The following CAMK2D variants were observed in gnomAD, a reference collection of about 807,000 sequenced individuals.
The protein encoded by CAMK2D is calcium/calmodulin-dependent protein kinase type II subunit delta.
CAMK2D carries 37 observed loss-of-function variants against 84.0 expected under a neutral mutation model. The ratio of observed to expected loss-of-function variants is 0.44; its 90% CI spans 0.34 to 0.58. The LOEUF (loss-of-function observed/expected upper bound fraction) is 0.58. CAMK2D is among the 20% of genes least tolerant of loss of function. The pLI is 0.02. For synonymous variants in CAMK2D, 202 were observed against 212.5 expected (o/e 0.95, Z 0.43); for missense variants, 448 against 652.5 (o/e 0.69, Z 3.41).
chr4:113,634,018 A>G (rs2099100730), intron 3 of CAMK2D, among the ~76,000 whole-genome samples: 1 of 152,226 alleles, frequency 6.6e-6, no homozygotes, highest in Non-Finnish European at 1.5e-5. Context: ...CTTGCTTTTA[A>G]AAGACTTTTG....
chr4:113,734,172 T>A (rs2148823316), intron 2 of CAMK2D, among the ~76,000 whole-genome samples: 1 of 152,276 alleles, frequency 6.6e-6, no homozygotes, highest in Middle Eastern at 3.4e-3. Flanking sequence ...TCTGTGCACA[T>A]GGAATCCTAA....
intron 4 of CAMK2D, among the ~76,000 whole-genome samples, chr4:113,580,616 A>G (rs1400440238): frequency 6.6e-6 from 1 of 152,160 alleles, no homozygotes. Flanking sequence ...CAGACTCAGA[A>G]GTAGGTCTGT....
chr4:113,530,520 C>T (rs1293967397), intron 8 of CAMK2D, among the ~76,000 whole-genome samples: 1 of 152,036 alleles, frequency 6.6e-6, no homozygotes, highest in African/African-American at 2.4e-5. Flanking sequence ...TTGTTATAGA[C>T]AATATTTGTG....
chr4:113,649,818 A>AT (rs1297807670), intron 3 of CAMK2D, among the ~76,000 whole-genome samples: 1 of 152,216 alleles, frequency 6.6e-6, no homozygotes, highest in Non-Finnish European at 1.5e-5. Flanking sequence ...GTGGTGGCTC[A>AT]TGCCTGTAAT....
intron 6 of CAMK2D, among the ~76,000 whole-genome samples, chr4:113,545,094 TA>T (rs1355164249): frequency 6.6e-6 from 1 of 152,236 alleles, no homozygotes; most frequent in Non-Finnish European, 1.5e-5. Context: ...CTTAATAAGC[TA>T]TTTTACTGAA....
chr4:113,528,517 G>GT lies in CAMK2D; in HGVS notation c.601+2698_601+2699insA, dbSNP rs1203261956. Among the ~76,000 whole-genome samples the GT allele has an allele frequency of 2.0e-5, 3 of 152,062 alleles. No individual in the cohort carries two copies. In the East Asian group the frequency reaches 5.8e-4, roughly 29 times the overall value. On this transcript the variant is annotated intron_variant, in intron 8 of 20. Coordinates refer to ENST00000511664, the MANE Select transcript of CAMK2D (RefSeq NM_001321571.2). ...AGGAGAGATAAACACAAAGGCAGAA[G>GT]AGGCTGGAAAAGGCCTTTGATGAAG...
At chr4:113,612,837 C>T (rs2099006113) in intron 3 of CAMK2D, among the ~76,000 whole-genome samples, 1 of 152,134 alleles carries the variant, frequency 6.6e-6, no homozygotes, top group African/African-American at 2.4e-5. Context: ...GCTTCTGAGG[C>T]TAAAAATAGT....
chr4:113,602,724 C>T (rs949207545), intron 4 of CAMK2D, among the ~76,000 whole-genome samples: 1 of 152,188 alleles, frequency 6.6e-6, no homozygotes, highest in Non-Finnish European at 1.5e-5. Context: ...GTTCTAACCA[C>T]CCTTTTGAGT....
At chr4:113,702,970 C>T (rs778979099) in intron 2 of CAMK2D, among the ~76,000 whole-genome samples, 1 of 152,074 alleles carries the variant, frequency 6.6e-6, no homozygotes, top group Non-Finnish European at 1.5e-5. Flanking sequence ...TTCATATTTA[C>T]ATCAAATCTT....
rs749531063 is a variant in CAMK2D, at chr4:113,537,327, G to C, written c.517+14C>G. Reference sequence around the variant, plus strand: ...GAAGACTATAGGTAGCATGAAGGAGGGGGCCCTACTCACCAAACCACGCCT... The same window carrying C: ...GAAGACTATAGGTAGCATGAAGGAGCGGGCCCTACTCACCAAACCACGCCT... On this transcript the variant is annotated intron_variant, in intron 7 of 20. Transcript: ENST00000511664. The C allele has an allele frequency of 3.6e-6, 5 of 1,404,914 alleles. No individual in the cohort carries two copies. Among genetic ancestry groups the C allele is most frequent in the Non-Finnish European group, 5.0e-6 (5 of 994,228 alleles). 87.0% of individuals were successfully genotyped at this position (1,404,914 alleles called of 1,614,324 possible). A position where few individuals can be genotyped will look rare whatever the true frequency, so the allele number is the denominator to read the frequency against.
intron 2 of CAMK2D, among the ~76,000 whole-genome samples, chr4:113,670,441 A>G (rs1015318875): frequency 1.2e-4 from 18 of 145,152 alleles, no homozygotes; most frequent in Admixed American, 1.2e-3. Flanking sequence ...AAATTTGTCT[A>G]TATCTTTATT....
At chr4:113,486,517 A>G (rs1460273970) in intron 16 of CAMK2D, among the ~76,000 whole-genome samples, 2 of 152,218 alleles carry the variant, frequency 1.3e-5, no homozygotes, top group East Asian at 3.8e-4. Context: ...AACTCACAGC[A>G]AAGACACAGA....
chr4:113,493,026 CTA>C (rs1196550413), intron 16 of CAMK2D, among the ~76,000 whole-genome samples: 2 of 116,236 alleles, frequency 1.7e-5, no homozygotes, highest in African/African-American at 7.5e-5. Flanking sequence ...TATTTTGAGC[CTA>C]TGTGTGTCTC....
At chr4:113,673,373 C>T (rs1169141759) in intron 2 of CAMK2D, among the ~76,000 whole-genome samples, 1 of 152,140 alleles carries the variant, frequency 6.6e-6, no homozygotes, top group Non-Finnish European at 1.5e-5. Context: ...AGAAAATTCT[C>T]ATGGACAGGA....
chr4:113,580,219 T>C (rs1052392073), intron 4 of CAMK2D, among the ~76,000 whole-genome samples: 34 of 152,224 alleles, frequency 2.2e-4, no homozygotes, highest in Admixed American at 3.9e-4. Flanking sequence ...ATGTTTGATG[T>C]GCATGAATAA....
At chr4:113,751,748 C>T (rs781255655) in intron 2 of CAMK2D, among the ~76,000 whole-genome samples, 7 of 151,840 alleles carry the variant, frequency 4.6e-5, no homozygotes, top group Admixed American at 3.9e-4. Flanking sequence ...CCAGCTTGGG[C>T]GACAGAGCGA....
At position 113,609,935 on chromosome 4, in the gene CAMK2D, A is replaced by G. The variant is rs556828382; in HGVS notation, c.221-729T>C. Among the ~76,000 whole-genome samples, 3 of 152,284 alleles carry G rather than the reference A, an allele frequency of 2.0e-5. No homozygotes were observed. The South Asian group carries it at 6.2e-4, about 32-fold the overall frequency. ...ACTTTAACTGATAACTCTAAACTAA[A>G]TCACACATGTAGAACTACAAACCGC... On this transcript the variant is annotated intron_variant, in intron 3 of 20. Coordinates refer to ENST00000511664, the MANE Select transcript of CAMK2D (RefSeq NM_001321571.2).
intron 3 of CAMK2D, among the ~76,000 whole-genome samples, chr4:113,649,361 C>T (rs2099163901): frequency 6.6e-6 from 1 of 152,180 alleles, no homozygotes; most frequent in Non-Finnish European, 1.5e-5. Context: ...TTCCCAGACT[C>T]TCCATTATTA....
Position 113,455,767 on chromosome 4 carries a change from C to T in CAMK2D, c.1590G>A (p.Trp530Ter), listed in dbSNP as rs778724654. 3 of 1,612,120 alleles carry T rather than the reference C, an allele frequency of 1.9e-6. No homozygotes were observed. Among genetic ancestry groups the T allele is most frequent in the Non-Finnish European group, 2.5e-6 (3 of 1,178,512 alleles). Residue 530 changes from tryptophan to a stop codon, truncating the protein, a stop_gained, in exon 20 of 21, where the codon TGG (tryptophan) becomes TGA (stop). Transcript: ENST00000511664. LOFTEE classifies it high-confidence loss of function. ...TGGTTTTCAGGCCTTAGATGTTTTG[C>T]CACAAAGAGGTGCCTCCTGAGAAGT... is the stretch of plus-strand genomic sequence containing the variant. ...KENFSGGTSLWQNI is the reference protein window; with the variant it reads ...KENFSGGTSL
Sources: allele counts gnomAD v4.1 joint callset (sites outside exome capture counted in the v4.1 genomes callset), GRCh38; gene constraint gnomAD v4.1.1; transcripts MANE v1.5; gene names NCBI Gene and HGNC (gene_info 2026-07-23, HGNC 2026-07-21).